The following ADGRB3 variants were observed in gnomAD, a reference collection of about 807,000 sequenced individuals.
ADGRB3 encodes the protein adhesion G protein-coupled receptor B3.
In ADGRB3, 37 loss-of-function variants were observed where a neutral mutation model predicts 193.4. The observed-to-expected ratio is 0.19, with a 90% CI of 0.15 to 0.25. ADGRB3 has a LOEUF of 0.25. Among genes scored for constraint, ADGRB3 ranks in the 10% least tolerant of loss-of-function variants. ADGRB3 has a pLI of 1.00. For synonymous variants in ADGRB3, 690 were observed against 644.2 expected (o/e 1.07, Z -1.08); for missense variants, 1,637 against 1,852.9 (o/e 0.88, Z 2.14).
intron 30 of ADGRB3, among the ~76,000 whole-genome samples, chr6:69,382,115 T>TGTA (rs1467654576): frequency 6.6e-6 from 1 of 151,870 alleles, no homozygotes; most frequent in Non-Finnish European, 1.5e-5. Context: ...GAGAAAAGGG[T>TGTA]GTAACCAGGG....
intron 21 of ADGRB3, 63 bp from the exon 22 acceptor site, chr6:69,327,757 C>A: frequency 6.9e-7 from 1 of 1,440,784 alleles, no homozygotes; most frequent in African/African-American, 1.4e-5. Context: ...TCTGGCTTTT[C>A]TTAGACCAGT....
chr6:68,703,050 T>C (rs1462700366), intron 3 of ADGRB3, among the ~76,000 whole-genome samples: 1 of 152,176 alleles, frequency 6.6e-6, no homozygotes, highest in Admixed American at 6.5e-5. Flanking sequence ...ATAAGATGCA[T>C]TGATGGGTGG....
chr6:69,113,510 G>A (rs906967062), intron 17 of ADGRB3, among the ~76,000 whole-genome samples: 5 of 151,800 alleles, frequency 3.3e-5, no homozygotes, highest in Non-Finnish European at 7.4e-5. Flanking sequence ...CACAGTAGAC[G>A]GTATAATTGC....
intron 16 of ADGRB3, among the ~76,000 whole-genome samples, 160 bp downstream of exon 16, chr6:69,063,196 TCTATG>T (rs1192249150): frequency 6.6e-6 from 1 of 152,048 alleles, no homozygotes; most frequent in Admixed American, 6.6e-5. Flanking sequence ...GAATGATTAT[TCTATG>T]CTTTTTTCAT....
intron 20 of ADGRB3, among the ~76,000 whole-genome samples, chr6:69,295,811 A>G (rs1274898556): frequency 1.3e-5 from 2 of 152,152 alleles, no homozygotes; most frequent in East Asian, 3.9e-4. Context: ...CCTGCAAACC[A>G]TACAATCAAC....
chr6:69,083,613 C>T (rs116097415), intron 17 of ADGRB3, among the ~76,000 whole-genome samples: 124 of 152,004 alleles, frequency 8.2e-4, no homozygotes, highest in African/African-American at 2.9e-3. Context: ...ATAAGTAATG[C>T]CATTTAATTC....
At chr6:68,661,533 G>GTATATATATATGTATA (rs1561986486) in intron 3 of ADGRB3, among the ~76,000 whole-genome samples, 1 of 50,052 alleles carries the variant, frequency 2.0e-5, no homozygotes. Flanking sequence ...ATATATATGT[G>GTATATATATATGTATA]TATACATATA....
chr6:69,327,197 G>A (rs912813122), intron 21 of ADGRB3, among the ~76,000 whole-genome samples: 1 of 152,016 alleles, frequency 6.6e-6, no homozygotes, highest in African/African-American at 2.4e-5. Context: ...CAAAATACAG[G>A]GGGGTTCTAT....
rs766032120 is a variant in ADGRB3 at position 69,014,024 on chromosome 6, A to T, written c.1930-14A>T. ...TCATGTAATATTAAATCTTTTATCTAATTTAATTTACAGAACTTCTTTCAA... is the reference window on the plus strand; with the variant it reads ...TCATGTAATATTAAATCTTTTATCTTATTTAATTTACAGAACTTCTTTCAA... On this transcript the variant is annotated splice_polypyrimidine_tract_variant and intron_variant, in intron 11 of 31. Coordinates refer to ENST00000370598, the MANE Select transcript of ADGRB3 (RefSeq NM_001704.3). The T allele has an allele frequency of 2.7e-6, 4 of 1,494,010 alleles. No individual in the cohort carries two copies. The South Asian group carries it at 3.6e-5, about 14-fold the overall frequency. The allele number at this position is 1,494,010 out of a possible 1,614,324, so 92.5% of individuals were successfully genotyped here.
chr6:68,824,577 A>G (rs1042137918), intron 3 of ADGRB3, among the ~76,000 whole-genome samples: 2 of 148,326 alleles, frequency 1.3e-5, no homozygotes, highest in Non-Finnish European at 3.0e-5. Flanking sequence ...TATGCAATAT[A>G]TGTAATACAT....
intron 17 of ADGRB3, among the ~76,000 whole-genome samples, chr6:69,204,739 T>C (rs1410403437): frequency 2.0e-5 from 3 of 152,194 alleles, no homozygotes; most frequent in Non-Finnish European, 2.9e-5. Context: ...CCACCGTTAA[T>C]TGTTGGGTTC....
At chr6:68,948,999 A>G (rs999884418) in intron 6 of ADGRB3, among the ~76,000 whole-genome samples, 1 of 152,140 alleles carries the variant, frequency 6.6e-6, no homozygotes, top group Non-Finnish European at 1.5e-5. Flanking sequence ...AAATGGAGTC[A>G]GTATTAATTA....
intron 3 of ADGRB3, among the ~76,000 whole-genome samples, chr6:68,691,627 T>C (rs34640485): frequency 1.5e-4 from 23 of 152,016 alleles, no homozygotes; most frequent in Non-Finnish European, 3.1e-4. Context: ...TTAGATATGA[T>C]TTAAGGATAA....
At chr6:68,960,328 G>T (rs1768197176) in intron 8 of ADGRB3, among the ~76,000 whole-genome samples, 1 of 152,158 alleles carries the variant, frequency 6.6e-6, no homozygotes, top group East Asian at 1.9e-4. Context: ...TATCATAAAT[G>T]TATACAATAT....
At chr6:68,669,853 T>C (rs1229634210) in intron 3 of ADGRB3, among the ~76,000 whole-genome samples, 6 of 151,990 alleles carry the variant, frequency 3.9e-5, no homozygotes, top group Non-Finnish European at 7.4e-5. Flanking sequence ...CAAACTGTTG[T>C]CCATAGTGGT....
At chr6:68,884,728 C>T (rs1376028996) in intron 3 of ADGRB3, among the ~76,000 whole-genome samples, 1 of 152,050 alleles carries the variant, frequency 6.6e-6, no homozygotes, top group East Asian at 1.9e-4. Context: ...GTGCGCAATA[C>T]ACAAAACATA....
At chr6:68,869,224 A>G (rs1027880008) in intron 3 of ADGRB3, among the ~76,000 whole-genome samples, 2 of 152,178 alleles carry the variant, frequency 1.3e-5, no homozygotes, top group African/African-American at 4.8e-5. Context: ...AACTAAAACC[A>G]AAGACTCCCA....
At position 68,975,260 on chromosome 6, in the gene ADGRB3, A is replaced by T; in HGVS notation, c.1654A>T (p.Ser552Cys). The change falls in exon 10 of 32, where the codon AGT becomes TGT. Residue 552 changes from serine to cysteine, a missense_variant. This residue lies in a region of ADGRB3 where 641 missense variants were observed against 673.9 expected (regional missense o/e 0.95). Transcript: ENST00000370598. ...TGTTSRRCSL[S>C]LHGVAFWEQP... ...CACCACTAGCAGACGCTGCTCTCTC[A>T]GTCTTCATGGAGTGGCCTTCTGGGA... The T allele has an allele frequency of 1.2e-6, 2 of 1,613,992 alleles. No individual in the cohort carries two copies. The highest frequency in any genetic ancestry group is 8.5e-7 in the Non-Finnish European group (1 of 1,179,910).
intron 3 of ADGRB3, among the ~76,000 whole-genome samples, chr6:68,852,539 C>T (rs1054317146): frequency 6.6e-6 from 1 of 151,818 alleles, no homozygotes; most frequent in South Asian, 2.1e-4. Context: ...TCATAGAGGC[C>T]ACCTGAAATT....
Sources: allele counts gnomAD v4.1 joint callset (sites outside exome capture counted in the v4.1 genomes callset), GRCh38; gene constraint gnomAD v4.1.1; regional missense constraint gnomAD v4.1.1; transcripts MANE v1.5; gene names NCBI Gene and HGNC (gene_info 2026-07-23, HGNC 2026-07-21).